Variants in EHBP1 observed in about 807,000 individuals in gnomAD.
EHBP1 encodes the protein EH domain binding protein 1.
In EHBP1, 55 loss-of-function variants were observed where a neutral mutation model predicts 144.0. That is an observed-to-expected ratio of 0.38 (90% CI 0.31 to 0.48). The LOEUF (loss-of-function observed/expected upper bound fraction) is 0.48, where lower values mean the gene tolerates loss of function less well. Among genes scored for constraint, EHBP1 ranks in the 20% least tolerant of loss-of-function variants. EHBP1 has a pLI of 0.98. For synonymous variants in EHBP1, 469 were observed against 472.7 expected (o/e 0.99, Z 0.10); for missense variants, 1,200 against 1,364.2 (o/e 0.88, Z 1.90).
intron 5 of EHBP1, among the ~76,000 whole-genome samples, chr2:62,815,509 C>A (rs1259893854): frequency 6.6e-6 from 1 of 152,150 alleles, no homozygotes; most frequent in Admixed American, 6.5e-5. Flanking sequence ...TGCTGCATTG[C>A]AAAGGAGAAA....
At chr2:62,893,821 A>T (rs2052651677) in intron 10 of EHBP1, among the ~76,000 whole-genome samples, 1 of 152,120 alleles carries the variant, frequency 6.6e-6, no homozygotes, top group Admixed American at 6.6e-5. Flanking sequence ...AGACAGGCAG[A>T]TCACTTGAGC....
chr2:62,920,736 C>T (rs2055006888), intron 10 of EHBP1, among the ~76,000 whole-genome samples: 1 of 151,972 alleles, frequency 6.6e-6, no homozygotes. Flanking sequence ...GATTTCTGCT[C>T]ACTGCAACCT....
chr2:62,839,462 A>C (rs1269265311), intron 7 of EHBP1, among the ~76,000 whole-genome samples: 7 of 147,110 alleles, frequency 4.8e-5, no homozygotes, highest in Non-Finnish European at 9.0e-5. Context: ...CACCACTCCT[A>C]TTCAACATAG....
At chr2:62,836,855 A>G (rs1337509443) in intron 7 of EHBP1, among the ~76,000 whole-genome samples, 2 of 151,662 alleles carry the variant, frequency 1.3e-5, no homozygotes, top group Admixed American at 6.6e-5. Flanking sequence ...GACCAAATGT[A>G]TGTCTGATTG....
At chr2:62,686,558 T>C (rs2151738630) in intron 1 of EHBP1, among the ~76,000 whole-genome samples, 1 of 152,350 alleles carries the variant, frequency 6.6e-6, no homozygotes, top group Admixed American at 6.5e-5. Flanking sequence ...ATTATCACCG[T>C]ATTGCTCTCT....
At chr2:62,747,679 G>GA (rs1162668977) in intron 3 of EHBP1, among the ~76,000 whole-genome samples, 1 of 151,742 alleles carries the variant, frequency 6.6e-6, no homozygotes, top group East Asian at 1.9e-4. Context: ...ACTATGGTTT[G>GA]AAAAAAATCA....
chr2:62,782,134 G>A (rs2042466667), intron 5 of EHBP1, among the ~76,000 whole-genome samples: 1 of 152,056 alleles, frequency 6.6e-6, no homozygotes, highest in Non-Finnish European at 1.5e-5. Context: ...ATTGTCCTAG[G>A]CACTAGATTT....
At chr2:62,909,821 A>G (rs1359318852) in intron 10 of EHBP1, among the ~76,000 whole-genome samples, 1 of 151,992 alleles carries the variant, frequency 6.6e-6, no homozygotes, top group Non-Finnish European at 1.5e-5. Flanking sequence ...GCAGTGGCGC[A>G]ATATTGGCTC....
At chr2:62,699,319 G>A (rs759133595) in intron 1 of EHBP1, among the ~76,000 whole-genome samples, 2 of 152,130 alleles carry the variant, frequency 1.3e-5, no homozygotes, top group African/African-American at 2.4e-5. Context: ...AACATTTCAT[G>A]GGAAATGACC....
chr2:62,830,963 T>A, intron 6 of EHBP1, 56 bp from the exon 7 acceptor site: 2 of 1,547,940 alleles, frequency 1.3e-6, no homozygotes, highest in Admixed American at 4.1e-5. Flanking sequence ...TAAGAAACCA[T>A]CATTTTTCTA....
chr2:62,687,984 G>A (rs1344035517), intron 1 of EHBP1, among the ~76,000 whole-genome samples: 1 of 152,182 alleles, frequency 6.6e-6, no homozygotes, highest in East Asian at 1.9e-4. Flanking sequence ...TGAAAGAAGA[G>A]AGGGACTTTC....
At chr2:62,770,972 A>G (rs1487822559) in intron 4 of EHBP1, among the ~76,000 whole-genome samples, 1 of 152,154 alleles carries the variant, frequency 6.6e-6, no homozygotes, top group African/African-American at 2.4e-5. Flanking sequence ...ATGAACATGA[A>G]GAAGGGAACA....
intron 2 of EHBP1, among the ~76,000 whole-genome samples, chr2:62,740,202 T>TTA: frequency 6.6e-6 from 1 of 152,118 alleles, no homozygotes; most frequent in East Asian, 1.9e-4. Flanking sequence ...AACAATAGAA[T>TTA]GACACAAAAA....
chr2:62,719,499 C>A (rs2036004520), intron 2 of EHBP1, among the ~76,000 whole-genome samples: 1 of 152,122 alleles, frequency 6.6e-6, no homozygotes, highest in Non-Finnish European at 1.5e-5. Context: ...AGAGAACTCA[C>A]AAGGGAGCAA....
chr2:63,037,096 A>C (rs555387437), intron 19 of EHBP1, among the ~76,000 whole-genome samples: 2 of 152,082 alleles, frequency 1.3e-5, no homozygotes, highest in Admixed American at 1.3e-4. Context: ...AGAAAATAGC[A>C]AGTTGTTAAA....
intron 19 of EHBP1, among the ~76,000 whole-genome samples, chr2:62,997,415 T>C (rs2059677403): frequency 7.0e-6 from 1 of 143,638 alleles, no homozygotes; most frequent in Admixed American, 7.1e-5. Context: ...AATAAGCAAT[T>C]GGAAAGGAAC....
intron 16 of EHBP1, among the ~76,000 whole-genome samples, chr2:62,991,581 C>A (rs1017824004): frequency 6.6e-6 from 1 of 152,172 alleles, no homozygotes; most frequent in African/African-American, 2.4e-5. Flanking sequence ...AGATAACTTG[C>A]ATGTGTTTTG....
At chr2:62,841,833 C>G (rs1046100137) in intron 7 of EHBP1, among the ~76,000 whole-genome samples, 1 of 151,980 alleles carries the variant, frequency 6.6e-6, no homozygotes, top group African/African-American at 2.4e-5. Context: ...TGTCTTTCCC[C>G]TAGTACTACC....
intron 5 of EHBP1, among the ~76,000 whole-genome samples, chr2:62,824,008 T>C (rs1321875901): frequency 6.6e-6 from 1 of 152,026 alleles, no homozygotes; most frequent in Non-Finnish European, 1.5e-5. Context: ...GTAGCTTTTA[T>C]TACCTATTGT....
Sources: allele counts gnomAD v4.1 joint callset (sites outside exome capture counted in the v4.1 genomes callset), GRCh38; gene constraint gnomAD v4.1.1; transcripts MANE v1.5; gene names NCBI Gene and HGNC (gene_info 2026-07-23, HGNC 2026-07-21).